Variants in MYO16 observed in about 807,000 individuals in gnomAD.
MYO16 encodes myosin XVI.
Under a neutral mutation model 205.3 loss-of-function variants are expected in MYO16, and 94 were observed. The ratio of observed to expected loss-of-function variants is 0.46; its 90% CI spans 0.39 to 0.54. The LOEUF (loss-of-function observed/expected upper bound fraction) is 0.54, where lower values mean the gene tolerates loss of function less well. MYO16 is among the 20% of genes least tolerant of loss of function. The probability of loss-of-function intolerance (pLI) is 0.00; values close to 1 mark genes in which losing one functional copy is unlikely to be tolerated. For synonymous variants in MYO16, 988 were observed against 954.0 expected, an observed-to-expected ratio of 1.04 and a Z score of -0.66; for missense variants, 2,315 against 2,387.5, an observed-to-expected ratio of 0.97 and a Z score of 0.63.
At chr13:109,059,289 T>A (rs1458652833) in intron 27 of MYO16, among the ~76,000 whole-genome samples, 1 of 152,190 alleles carries the variant, frequency 6.6e-6, no homozygotes, top group African/African-American at 2.4e-5. Flanking sequence ...AATCACTACC[T>A]GTGGCACCTA....
At chr13:108,831,368 C>G (rs988661649) in intron 9 of MYO16, among the ~76,000 whole-genome samples, 4 of 152,092 alleles carry the variant, frequency 2.6e-5, no homozygotes, top group Admixed American at 6.6e-5. Context: ...ATCTAGCAAG[C>G]CTTTAACAGG....
chr13:109,001,261 G>A (rs1273908111), intron 21 of MYO16, among the ~76,000 whole-genome samples: 6 of 151,900 alleles, frequency 3.9e-5, no homozygotes, highest in African/African-American at 1.2e-4. Flanking sequence ...AAACAAATAC[G>A]GCAGCCTGGG....
intron 27 of MYO16, among the ~76,000 whole-genome samples, chr13:109,082,350 G>A (rs1303469678): frequency 6.6e-6 from 1 of 152,102 alleles, no homozygotes; most frequent in Non-Finnish European, 1.5e-5. Flanking sequence ...AGTTTACGAT[G>A]GTAGCTGAAG....
chr13:109,151,209 A>T (rs1307408945), intron 32 of MYO16, among the ~76,000 whole-genome samples: 2 of 152,092 alleles, frequency 1.3e-5, no homozygotes, highest in African/African-American at 4.8e-5. Context: ...ATATCACTTC[A>T]CCCAGTGCTT....
At chr13:108,743,357 G>A (rs1321302412) in intron 4 of MYO16, among the ~76,000 whole-genome samples, 1 of 152,140 alleles carries the variant, frequency 6.6e-6, no homozygotes, top group Non-Finnish European at 1.5e-5. Context: ...TCAAGAAATT[G>A]ATACTAGAGA....
At chr13:109,117,400 A>ATATATATGTGTATATATGTATATGTG (rs1875752828) in intron 28 of MYO16, among the ~76,000 whole-genome samples, 2 of 144,744 alleles carry the variant, frequency 1.4e-5, no homozygotes, top group African/African-American at 2.6e-5. Flanking sequence ...GTATATATGT[A>ATATATATGTGTATATATGTATATGTG]TATATATATG....
At chr13:109,160,338 C>A (rs35038244) in intron 32 of MYO16, among the ~76,000 whole-genome samples, 36,317 of 152,150 alleles carry the variant, frequency 0.24, 4,448 homozygotes, top group African/African-American at 0.29. Flanking sequence ...TTAAAATTCA[C>A]CTTAAATGTA....
rs1014415842 is a variant in MYO16 at position 108,606,691 on chromosome 13, C to T, written c.-39+10452C>T. Among the ~76,000 whole-genome samples, 45 of 152,134 alleles carry T rather than the reference C, an allele frequency of 3.0e-4. 1 individual carries two copies. The highest frequency in any genetic ancestry group is 8.0e-4 in the African/African-American group (33 of 41,432). On this transcript the variant is annotated intron_variant, in intron 1 of 24. Coordinates refer to the MYO16 transcript ENST00000251041. ...AAGGGAAATATGGGGTTGGAGTCCC[C>T]ACACAGAGTCCCCATTGGGGCACTG...
intron 1 of MYO16, among the ~76,000 whole-genome samples, chr13:108,644,684 T>C (rs1050325536): frequency 2.6e-5 from 4 of 152,158 alleles, no homozygotes; most frequent in African/African-American, 9.7e-5. Flanking sequence ...AACATTCCCT[T>C]ATCTTCATCA....
chr13:108,528,230 T>C, the MYO16 span, among the ~76,000 whole-genome samples: 1 of 152,190 alleles, frequency 6.6e-6, no homozygotes, highest in Non-Finnish European at 1.5e-5. Context: ...TTTGTTTATA[T>C]GGCATTTTAA....
chr13:108,670,410 G>A (rs1394735910), intron 2 of MYO16, among the ~76,000 whole-genome samples: 1 of 152,172 alleles, frequency 6.6e-6, no homozygotes, highest in Non-Finnish European at 1.5e-5. Context: ...AGAGAGAACT[G>A]AGAACTTCTG....
chr13:108,584,304 C>T, the MYO16 span, among the ~76,000 whole-genome samples: 2 of 152,050 alleles, frequency 1.3e-5, no homozygotes, highest in Non-Finnish European at 2.9e-5. Context: ...AAGTTATTTG[C>T]ATTGTCTATG....
At chr13:108,610,595 G>A (rs774567092) in intron 1 of MYO16, among the ~76,000 whole-genome samples, 6 of 152,160 alleles carry the variant, frequency 3.9e-5, no homozygotes, top group Non-Finnish European at 8.8e-5. Flanking sequence ...TGATGGAAGC[G>A]TGCGATGTCG....
Position 109,207,166 on chromosome 13 carries a change from A to G in MYO16, c.*330A>G. 3.2e-6 allele frequency: 1 copy of G among 308,640 alleles called. No homozygotes were observed. Among genetic ancestry groups the G allele is most frequent in the Non-Finnish European group, 6.2e-6 (1 of 162,348 alleles). The allele number at this position is 308,640 out of a possible 1,614,324, so 19.1% of individuals were successfully genotyped here. On this transcript the variant is annotated 3_prime_UTR_variant, in exon 35 of 35. Coordinates refer to ENST00000457511, the MANE Select transcript of MYO16 (RefSeq NM_001198950.3). ...CGAGAGAGTAGCGGAGGAAAGGAGC[A>G]ATCCATGCACACTCTGTACAGTTGT... is the stretch of plus-strand genomic sequence containing the variant.
chr13:108,943,354 C>T (rs1289673196), intron 16 of MYO16, among the ~76,000 whole-genome samples: 2 of 152,162 alleles, frequency 1.3e-5, no homozygotes, highest in Admixed American at 6.5e-5. Context: ...GACCCTACGA[C>T]GAGTTCCTGA....
At chr13:108,960,258 G>C (rs1259745309) in intron 17 of MYO16, among the ~76,000 whole-genome samples, 3 of 129,778 alleles carry the variant, frequency 2.3e-5, no homozygotes, top group Admixed American at 8.7e-5. Flanking sequence ...CTGGGCAACA[G>C]AGTGAAACCC....
At chr13:108,853,486 G>A (rs1335186211) in intron 10 of MYO16, among the ~76,000 whole-genome samples, 2 of 151,766 alleles carry the variant, frequency 1.3e-5, no homozygotes, top group Non-Finnish European at 2.9e-5. Context: ...TTGGAAATAC[G>A]TTTCCTTTAA....
At chr13:108,917,111 G>GCA (rs150975700) in intron 16 of MYO16, among the ~76,000 whole-genome samples, 1 of 151,906 alleles carries the variant, frequency 6.6e-6, no homozygotes, top group African/African-American at 2.4e-5. Context: ...ATGCACGCAC[G>GCA]CACACACACA....
rs771669841 is a variant in MYO16, at chr13:109,127,619, C to T, written c.4051+69C>T. On this transcript the variant is annotated intron_variant, in intron 31 of 34. Coordinates refer to ENST00000457511, the MANE Select transcript of MYO16 (RefSeq NM_001198950.3). This position sits in a 1 kb window ranked among gnomAD's most constrained non-coding sequence, Gnocchi z 4.2. ...CATGCTCTGACTTCGCCTTGGGGCG[C>T]CCATGGCAGTACTGTCGCCCTAATG... The T allele has an allele frequency of 1.3e-6, 2 of 1,522,096 alleles. No homozygotes were observed. The highest frequency in any genetic ancestry group is 1.8e-6 in the Non-Finnish European group (2 of 1,122,772). 94.3% of individuals were successfully genotyped at this position (1,522,096 alleles called of 1,614,324 possible).
Sources: allele counts gnomAD v4.1 joint callset (sites outside exome capture counted in the v4.1 genomes callset), GRCh38; gene constraint gnomAD v4.1.1; non-coding constraint Gnocchi (gnomAD v3.1); transcripts MANE v1.5; gene names NCBI Gene and HGNC (gene_info 2026-07-23, HGNC 2026-07-21).